Variants in SLCO4A1 observed in about 807,000 individuals in gnomAD.
SLCO4A1 encodes the protein solute carrier organic anion transporter family member 4A1.
A neutral mutation model predicts 64.6 loss-of-function variants in SLCO4A1; 51 were observed. That is an observed-to-expected ratio of 0.79 (90% CI 0.63 to 1.00). The LOEUF (loss-of-function observed/expected upper bound fraction) is 1.00, where lower values mean the gene tolerates loss of function less well. Ranked by LOEUF, SLCO4A1 falls within the 50% of genes least tolerant of loss-of-function variation. The pLI, the probability that SLCO4A1 is intolerant of heterozygous loss-of-function variation, is 0.00. For synonymous variants in SLCO4A1, 471 were observed against 444.9 expected (o/e 1.06, Z -0.74); for missense variants, 919 against 980.5 (o/e 0.94, Z 0.84).
At chr20:62,664,694 G>A in intron 5 of SLCO4A1, among the ~76,000 whole-genome samples, 1 of 152,192 alleles carries the variant, frequency 6.6e-6, no homozygotes. Flanking sequence ...TCCCCCACCT[G>A]CCTGCACCCC....
chr20:62,666,121 C>CCCCTTCCCCTTCTT (rs1358318800), intron 6 of SLCO4A1: 1 of 37,116 alleles, frequency 2.7e-5, no homozygotes, highest in Admixed American at 3.6e-4. Context: ...CCCCCCCGCT[C>CCCCTTCCCCTTCTT]CCCCTTCCCC....
intron 5 of SLCO4A1, chr20:62,663,297 G>A (rs899753651): frequency 1.3e-5 from 2 of 152,190 alleles, no homozygotes; most frequent in Non-Finnish European, 1.5e-5. Flanking sequence ...TCAAACAAGA[G>A]CATTTGAATG....
Position 62,656,579 on chromosome 20 carries a change from G to T in SLCO4A1, c.125G>T (p.Gly42Val). The stretch of plus-strand genomic sequence containing the variant: ...TCCCCGGGCACACCCCTGAGCCCCG[G>T]CTCCCTCCGCTCCGCTGCCCATAGC... ...RASPGTPLSP[G>V]SLRSAAHSPL... is the part of the protein sequence containing the mutation. Residue 42 changes from glycine (G) to valine (V), a missense_variant, in exon 2 of 12, where the codon GGC (glycine) becomes GTC (valine). Gly to Val is a moderately radical substitution (Grantham distance 109). Coordinates refer to ENST00000217159, the MANE Select transcript of SLCO4A1 (RefSeq NM_016354.4). 1.3e-6 allele frequency: 2 copies of T among 1,589,136 alleles called. No individual in the cohort carries two copies. The highest frequency in any genetic ancestry group is 8.5e-7 in the Non-Finnish European group (1 of 1,171,648).
chr20:62,686,590 C>T (rs1012205829), downstream of SLCO4A1, among the ~76,000 whole-genome samples: 1 of 152,246 alleles, frequency 6.6e-6, no homozygotes, highest in Non-Finnish European at 1.5e-5. Context: ...AGCTGAACAC[C>T]ATTCCAGAGT....
rs762401100 is a variant in SLCO4A1, at chr20:62,667,751, G to T, written c.1479G>T (p.Leu493=). The T allele has an allele frequency of 2.5e-6, 4 of 1,607,796 alleles. 1 individual carries two copies. The highest frequency in any genetic ancestry group is 2.2e-4 in the Middle Eastern group (1 of 4,496). The change falls in exon 8 of 12, where the codon CTG becomes CTT. Residue 493 remains leucine, a synonymous_variant. Transcript: ENST00000217159. ...GCTTGTCCCCCCTCTGCAGCCTCCT[G>T]CCCGAAGGCCACCTGAACCTAACGG... ...GVTASYGGSL[L]PEGHLNLTAP... is the part of the protein sequence containing the mutation.
At chr20:62,663,448 T>C (rs1327220333) in intron 5 of SLCO4A1, 1 of 152,142 alleles carries the variant, frequency 6.6e-6, no homozygotes, top group Non-Finnish European at 1.5e-5. Flanking sequence ...GTTTACAGGA[T>C]GTCACTAAGC....
chr20:62,690,035 C>T (rs754840122), downstream of SLCO4A1, among the ~76,000 whole-genome samples: 1 of 152,170 alleles, frequency 6.6e-6, no homozygotes, highest in East Asian at 1.9e-4. Context: ...TTTGCGCCTG[C>T]GCGGCAGGTG....
In SLCO4A1 at chr20:62,672,054, G is replaced by A. The variant is rs1987303081; in HGVS notation, c.*161G>A. 4 of 1,531,254 alleles carry A rather than the reference G, an allele frequency of 2.6e-6. No individual in the cohort carries two copies. The highest frequency in any genetic ancestry group is 3.5e-6 in the Non-Finnish European group (4 of 1,141,502). The allele number at this position is 1,531,254 out of a possible 1,614,324, so 94.9% of individuals were successfully genotyped here. On this transcript the variant is annotated 3_prime_UTR_variant, in exon 12 of 12. Transcript: ENST00000217159. Reference sequence around the variant, plus strand: ...GCTGTGACCTCCTGTCCCCAGAGCTGTACGGCCCTGCAGTGGGTGGGAGGA... The same window carrying A: ...GCTGTGACCTCCTGTCCCCAGAGCTATACGGCCCTGCAGTGGGTGGGAGGA...
At position 62,666,408 on chromosome 20, in the gene SLCO4A1, CGGCACCTTCCTG is replaced by C. The variant is rs1986347434; in HGVS notation, c.1309_1320del (p.Thr437_Gly440del). ...ACCTGGTGGTGCCAGCGGGTGGTGG[CGGCACCTTCCTG>C]GGCGGCTTCTTTGTGAACAAGCTCA... On this transcript the variant is annotated inframe_deletion, in exon 7 of 12. Transcript: ENST00000217159. 6.2e-7 allele frequency: 1 copy of C among 1,612,900 alleles called. No homozygotes were observed. The highest frequency in any genetic ancestry group is 8.5e-7 in the Non-Finnish European group (1 of 1,179,868).
intron 10 of SLCO4A1, 46 bp downstream of exon 10, chr20:62,668,587 C>CA (rs1230387508): frequency 1.3e-6 from 2 of 1,525,804 alleles, no homozygotes; most frequent in African/African-American, 2.7e-5. Flanking sequence ...ACAGTGTGCT[C>CA]ACTGCACAAG....
rs2147081007 is a variant in SLCO4A1 at position 62,658,539 on chromosome 20, TAA to T, written c.797-136_797-135del. 1.2e-5 allele frequency: 8 copies of T among 655,258 alleles called. No homozygotes were observed. The South Asian group carries it at 1.3e-4, about 10-fold the overall frequency. The allele number at this position is 655,258 out of a possible 1,614,324, so 40.6% of individuals were successfully genotyped here. On this transcript the variant is annotated intron_variant, in intron 2 of 11. Coordinates refer to ENST00000217159, the MANE Select transcript of SLCO4A1 (RefSeq NM_016354.4). ...GGCAACTGCACAGACTCATCTAACT[TAA>T]AGAGGCCCATGAGGGGAGTGGGCCG...
At chr20:62,678,784 G>A (rs1427654306) in intron 2 of SLCO4A1, among the ~76,000 whole-genome samples, 2 of 152,154 alleles carry the variant, frequency 1.3e-5, no homozygotes, top group African/African-American at 4.8e-5. Flanking sequence ...GAGGCACCAC[G>A]CTGAGCAAAA....
chr20:62,686,293 C>T (rs1471509673), downstream of SLCO4A1, among the ~76,000 whole-genome samples: 2 of 152,222 alleles, frequency 1.3e-5, no homozygotes, highest in East Asian at 3.9e-4. Flanking sequence ...GCCTTCCTCC[C>T]CCCAGCTGAG....
At chr20:62,675,229 C>T (rs544852933), downstream of SLCO4A1, among the ~76,000 whole-genome samples, 209 of 152,340 alleles carry the variant, frequency 1.4e-3, 2 homozygotes, top group Middle Eastern at 3.4e-3. Context: ...TGCTGGGCTG[C>T]TCATCGGCAT....
At chr20:62,689,785 G>C (rs959091924), downstream of SLCO4A1, among the ~76,000 whole-genome samples, 1 of 152,258 alleles carries the variant, frequency 6.6e-6, no homozygotes, top group Admixed American at 6.5e-5. Flanking sequence ...TTGTGTTCCT[G>C]GCAGGGGGAT....
rs936760694 is a variant in SLCO4A1, at chr20:62,644,926, G to T, written c.-97+2373G>T. 3.3e-5 allele frequency among the ~76,000 whole-genome samples: 5 copies of T among 152,250 alleles called. No homozygotes were observed. Among genetic ancestry groups the T allele is most frequent in the South Asian group, 2.1e-4 (1 of 4,838 alleles). ...CCTTGGAGCTCTGGGAGAGAGCCAC[G>T]CCAGGCCAGCCCTCCTGCTTCCTCA... On this transcript the variant is annotated intron_variant, in intron 1 of 11. Coordinates refer to ENST00000217159, the MANE Select transcript of SLCO4A1 (RefSeq NM_016354.4). This position sits in a 1 kb window ranked among gnomAD's most constrained non-coding sequence, Gnocchi z 5.4.
rs139160569 is a variant in SLCO4A1 at position 62,657,075 on chromosome 20, G to T, written c.621G>T (p.Thr207=). The T allele has an allele frequency of 2.5e-6, 4 of 1,602,598 alleles. No individual in the cohort carries two copies. In the African/African-American group the frequency reaches 4.0e-5, roughly 16 times the overall value. The change falls in exon 2 of 12, where the codon ACG becomes ACT. Residue 207 remains threonine, a synonymous_variant. Transcript: ENST00000217159. ...YEVELDAGVR[T]CPANPGAVCA... Reference sequence around the variant, plus strand: ...TGGAGTTGGACGCGGGTGTCAGGACGTGCCCTGCCAACCCCGGCGCGGTGT... The same window carrying T: ...TGGAGTTGGACGCGGGTGTCAGGACTTGCCCTGCCAACCCCGGCGCGGTGT...
downstream of SLCO4A1, among the ~76,000 whole-genome samples, chr20:62,687,467 G>T (rs937882769): frequency 6.6e-6 from 1 of 152,262 alleles, no homozygotes; most frequent in Non-Finnish European, 1.5e-5. Flanking sequence ...CGTCATCCGG[G>T]CGGGATGCAG....
intron 1 of SLCO4A1, chr20:62,650,216 T>TATAGGCAGGTGTGC (rs1982210256): frequency 6.6e-6 from 1 of 152,368 alleles, no homozygotes; most frequent in Non-Finnish European, 1.5e-5. Flanking sequence ...GGAAAGAAAC[T>TATAGGCAGGTGTGC]ATAGGCAGGT....
Sources: allele counts gnomAD v4.1 joint callset (sites outside exome capture counted in the v4.1 genomes callset), GRCh38; gene constraint gnomAD v4.1.1; non-coding constraint Gnocchi (gnomAD v3.1); transcripts MANE v1.5; gene names NCBI Gene and HGNC (gene_info 2026-07-23, HGNC 2026-07-21).